The following CSMD1 variants were observed in gnomAD, a reference collection of about 807,000 sequenced individuals.
The protein encoded by CSMD1 is CUB and Sushi multiple domains 1, also known as CUB and sushi domain-containing protein 1.
Under a neutral mutation model 417.5 loss-of-function variants are expected in CSMD1, and 213 were observed. The ratio of observed to expected loss-of-function variants is 0.51; its 90% confidence interval spans 0.46 to 0.57. The LOEUF (loss-of-function observed/expected upper bound fraction) is 0.57, where lower values mean the gene tolerates loss of function less well. Ranked by LOEUF, CSMD1 falls within the 20% of genes least tolerant of loss-of-function variation. The pLI, the probability that CSMD1 is intolerant of heterozygous loss-of-function variation, is 0.00. For missense variants in CSMD1, 6,923 were observed against 4,529.7 expected (o/e 1.53, Z -15.17); for synonymous variants, 2,862 against 1,736.8 (o/e 1.65, Z -16.11).
intron 5 of CSMD1, among the ~76,000 whole-genome samples, chr8:3,795,609 C>G (rs1356804518): frequency 4.8e-5 from 1 of 20,764 alleles, no homozygotes; most frequent in Non-Finnish European, 8.4e-5. Context: ...ATATATCTAT[C>G]ATAGATATAG....
At chr8:4,293,469 A>T (rs1797488180) in intron 3 of CSMD1, among the ~76,000 whole-genome samples, 1 of 152,236 alleles carries the variant, frequency 6.6e-6, no homozygotes, top group Non-Finnish European at 1.5e-5. Context: ...GAAAATTATT[A>T]TTTATATATC....
chr8:4,206,192 T>C (rs935929742), intron 3 of CSMD1, among the ~76,000 whole-genome samples: 3 of 148,026 alleles, frequency 2.0e-5, no homozygotes, highest in Non-Finnish European at 2.9e-5. Flanking sequence ...AAAATGAGGA[T>C]TTCTTTTTCT....
At chr8:2,955,054 C>A (rs367658850) in intron 64 of CSMD1, among the ~76,000 whole-genome samples, 1 of 152,304 alleles carries the variant, frequency 6.6e-6, no homozygotes, top group Non-Finnish European at 1.5e-5. Context: ...TGTAAACACA[C>A]AAATTTGTAA....
intron 3 of CSMD1, among the ~76,000 whole-genome samples, chr8:4,359,701 GTGTT>G (rs1468065959): frequency 6.6e-6 from 1 of 152,192 alleles, no homozygotes; most frequent in Non-Finnish European, 1.5e-5. Flanking sequence ...GGGTTTTAGT[GTGTT>G]TGTCTATAGA....
intron 3 of CSMD1, among the ~76,000 whole-genome samples, chr8:4,183,362 A>G (rs1798484697): frequency 6.6e-6 from 1 of 152,224 alleles, no homozygotes; most frequent in African/African-American, 2.4e-5. Flanking sequence ...AGTAATCTAA[A>G]TGGTAACTTC....
intron 3 of CSMD1, among the ~76,000 whole-genome samples, chr8:4,187,814 A>G (rs1798775046): frequency 6.6e-6 from 1 of 152,114 alleles, no homozygotes; most frequent in Non-Finnish European, 1.5e-5. Context: ...ATTTTCCAAA[A>G]TCACAGTTTC....
At chr8:4,286,411 G>C (rs745748555) in intron 3 of CSMD1, among the ~76,000 whole-genome samples, 1 of 152,104 alleles carries the variant, frequency 6.6e-6, no homozygotes, top group Non-Finnish European at 1.5e-5. Flanking sequence ...GTTAACATGA[G>C]ACAGAGAAAA....
intron 3 of CSMD1, among the ~76,000 whole-genome samples, chr8:4,294,796 GA>G (rs1369753397): frequency 6.6e-6 from 1 of 151,534 alleles, no homozygotes; most frequent in Non-Finnish European, 1.5e-5. Context: ...TAAAAACCTG[GA>G]AAAAAGTGCT....
chr8:4,207,056 A>G (rs1289182448), intron 3 of CSMD1, among the ~76,000 whole-genome samples: 1 of 152,178 alleles, frequency 6.6e-6, no homozygotes, highest in Non-Finnish European at 1.5e-5. Flanking sequence ...TTCTATTTAC[A>G]TTTGCAAGAG....
intron 3 of CSMD1, among the ~76,000 whole-genome samples, chr8:4,369,551 C>T (rs1336350453): frequency 6.6e-6 from 1 of 152,082 alleles, no homozygotes; most frequent in Non-Finnish European, 1.5e-5. Context: ...TTGAAGTCTC[C>T]CAGTATTATT....
intron 1 of CSMD1, among the ~76,000 whole-genome samples, chr8:4,900,547 G>T (rs1445924083): frequency 6.6e-6 from 1 of 152,120 alleles, no homozygotes; most frequent in African/African-American, 2.4e-5. Context: ...TCCAGATGCT[G>T]ATGTGCATGC....
intron 4 of CSMD1, among the ~76,000 whole-genome samples, chr8:3,999,574 A>T (rs1815495565): frequency 6.6e-6 from 1 of 152,194 alleles, no homozygotes; most frequent in East Asian, 1.9e-4. Context: ...ACTCAGAAGA[A>T]TGCCAGGGGC....
At chr8:4,364,824 CAAAAAAAAAAAAAAAA>C (rs60925117) in intron 3 of CSMD1, among the ~76,000 whole-genome samples, 1 of 84,856 alleles carries the variant, frequency 1.2e-5, no homozygotes, top group Non-Finnish European at 2.8e-5. Context: ...GACTCCTTCT[CAAAAAAAAAAAAAAAA>C]AAAAAAAAAA....
intron 10 of CSMD1, among the ~76,000 whole-genome samples, chr8:3,560,754 G>T (rs1178049496): frequency 2.6e-5 from 4 of 152,170 alleles, no homozygotes; most frequent in East Asian, 3.9e-4. Context: ...CCTTTCAGGA[G>T]AACTTTTTTG....
intron 6 of CSMD1, among the ~76,000 whole-genome samples, chr8:3,741,401 A>G (rs60670111): frequency 6.6e-6 from 1 of 152,186 alleles, no homozygotes; most frequent in East Asian, 1.9e-4. Flanking sequence ...ATATAGGGCC[A>G]GGTTATCCCA....
intron 23 of CSMD1, among the ~76,000 whole-genome samples, chr8:3,311,125 C>T (rs1469022132): frequency 1.3e-5 from 2 of 152,118 alleles, no homozygotes; most frequent in East Asian, 3.9e-4. Context: ...TTAAATTCAC[C>T]TAGCTTACCA....
intron 7 of CSMD1, among the ~76,000 whole-genome samples, chr8:3,617,004 G>T (rs976600141): frequency 2.6e-5 from 4 of 152,096 alleles, no homozygotes; most frequent in Non-Finnish European, 5.9e-5. Flanking sequence ...GTGAAAGGAT[G>T]ATAATCTTTG....
At chr8:2,995,186 G>C (rs1806775852) in intron 54 of CSMD1, among the ~76,000 whole-genome samples, 1 of 152,158 alleles carries the variant, frequency 6.6e-6, no homozygotes, top group Admixed American at 6.5e-5. Flanking sequence ...TTGAAACTCA[G>C]TCTTAAAAAG....
In CSMD1 at chr8:3,659,620, G is replaced by A. The variant is rs185825454; in HGVS notation, c.1010-42823C>T. 3.9e-4 allele frequency among the ~76,000 whole-genome samples: 59 copies of A among 152,266 alleles called. 1 individual carries two copies. The highest frequency in any genetic ancestry group is 1.0e-3 in the South Asian group (5 of 4,826). ...GGTCCCTTTGGGATTTCCCACTAGA[G>A]GAGAAGGGTAGTGGTGATGTGGCAA... On this transcript the variant is annotated intron_variant, in intron 7 of 69. Coordinates refer to ENST00000635120, the MANE Select transcript of CSMD1 (RefSeq NM_033225.6).
Sources: gnomAD v4.1 joint callset for allele counts (sites outside exome capture counted in the v4.1 genomes callset) on GRCh38, gnomAD v4.1.1 for gene constraint, MANE v1.5 for transcripts, NCBI Gene and HGNC (gene_info 2026-07-23, HGNC 2026-07-21) for gene names.